The following KCNH7 variants were observed in gnomAD, a reference collection of about 807,000 sequenced individuals.
KCNH7 encodes the protein voltage-gated inwardly rectifying potassium channel KCNH7.
KCNH7 carries 49 observed loss-of-function variants against 120.8 expected under a neutral mutation model. That is an observed-to-expected ratio of 0.41 (90% CI 0.32 to 0.51). The LOEUF is 0.51. KCNH7 is among the 20% of genes least tolerant of loss of function. The probability of loss-of-function intolerance (pLI) is 0.38; values close to 1 mark genes in which losing one functional copy is unlikely to be tolerated. For missense variants in KCNH7, 1,097 were observed against 1,446.6 expected (o/e 0.76, Z 3.92); for synonymous variants, 547 against 516.1 (o/e 1.06, Z -0.81).
At chr2:162,455,050 C>G (rs1688912072) in intron 6 of KCNH7, among the ~76,000 whole-genome samples, 1 of 151,998 alleles carries the variant, frequency 6.6e-6, no homozygotes, top group South Asian at 2.1e-4. Flanking sequence ...CATTTGCCTA[C>G]TCAGTATGAT....
intron 3 of KCNH7, among the ~76,000 whole-genome samples, chr2:162,530,878 C>A (rs1373624883): frequency 6.6e-6 from 1 of 151,878 alleles, no homozygotes; most frequent in African/African-American, 2.4e-5. Flanking sequence ...TGAGTAGTAT[C>A]AGAAGGTATC....
intron 2 of KCNH7, among the ~76,000 whole-genome samples, chr2:162,557,934 T>G (rs890940423): frequency 6.6e-6 from 1 of 152,180 alleles, no homozygotes; most frequent in Non-Finnish European, 1.5e-5. Flanking sequence ...TTGCTGATAA[T>G]TTCTGTTAAT....
chr2:162,803,027 C>T (rs925234732), intron 2 of KCNH7, among the ~76,000 whole-genome samples: 2 of 151,660 alleles, frequency 1.3e-5, no homozygotes, highest in Middle Eastern at 3.2e-3. Context: ...TTAACCATAG[C>T]ATTAATCCAT....
intron 7 of KCNH7, among the ~76,000 whole-genome samples, chr2:162,439,103 A>T (rs1253677384): frequency 6.6e-6 from 1 of 152,100 alleles, no homozygotes; most frequent in African/African-American, 2.4e-5. Flanking sequence ...CTCCCAGCAC[A>T]TCTAATTTCA....
intron 2 of KCNH7, among the ~76,000 whole-genome samples, chr2:162,556,333 G>A (rs969421399): frequency 3.3e-5 from 5 of 152,018 alleles, no homozygotes; most frequent in African/African-American, 1.2e-4. Flanking sequence ...TCTTCATTGT[G>A]TAGGTATTAT....
At chr2:162,791,619 C>T (rs1209707879) in intron 2 of KCNH7, among the ~76,000 whole-genome samples, 1 of 152,006 alleles carries the variant, frequency 6.6e-6, no homozygotes, top group African/African-American at 2.4e-5. Context: ...GTGATTTTTG[C>T]ACATTGATTT....
chr2:162,486,017 A>C (rs998888123), intron 6 of KCNH7, among the ~76,000 whole-genome samples: 7 of 152,202 alleles, frequency 4.6e-5, no homozygotes, highest in Admixed American at 4.6e-4. Flanking sequence ...TCTTCAGTTC[A>C]AATGTAAAAA....
chr2:162,518,115 A>T lies in KCNH7; in HGVS notation c.507T>A (p.Thr169=), dbSNP rs763397226. ...CTTGTGGTAAGGACTGCTTTCTGTAAGTGAGAACTCTCAGACCAGGGAATT... is the reference window on the plus strand; with the variant it reads ...CTTGTGGTAAGGACTGCTTTCTGTATGTGAGAACTCTCAGACCAGGGAATT... The part of the protein sequence containing the change: ...GFKFPGLRVL[T]YRKQSLPQED... Residue 169 remains threonine (T), a synonymous_variant, in exon 4 of 16, where the codon ACT becomes ACA. Coordinates refer to ENST00000332142, the MANE Select transcript of KCNH7 (RefSeq NM_033272.4). 9.9e-6 allele frequency: 16 copies of T among 1,611,908 alleles called. No individual in the cohort carries two copies. In the African/African-American group the frequency reaches 2.0e-4, roughly 20 times the overall value.
intron 2 of KCNH7, among the ~76,000 whole-genome samples, chr2:162,794,359 A>G (rs1052515664): frequency 6.6e-6 from 1 of 152,022 alleles, no homozygotes; most frequent in African/African-American, 2.4e-5. Flanking sequence ...CTGAGCATGC[A>G]ATCTACTTCT....
intron 2 of KCNH7, among the ~76,000 whole-genome samples, chr2:162,644,807 C>A (rs1313767283): frequency 6.6e-6 from 1 of 152,072 alleles, no homozygotes; most frequent in Non-Finnish European, 1.5e-5. Flanking sequence ...CTCCAAAAAC[C>A]TTTAAACCTC....
intron 2 of KCNH7, among the ~76,000 whole-genome samples, chr2:162,718,401 C>T (rs1403775561): frequency 1.3e-5 from 2 of 151,938 alleles, no homozygotes; most frequent in Non-Finnish European, 2.9e-5. Context: ...GAAAATTTAA[C>T]ATAACATTAA....
chr2:162,448,304 T>C (rs1374620286), intron 6 of KCNH7, among the ~76,000 whole-genome samples: 2 of 152,064 alleles, frequency 1.3e-5, no homozygotes, highest in African/African-American at 4.8e-5. Context: ...CATGTTCCTT[T>C]CTAGAAAAGC....
intron 7 of KCNH7, among the ~76,000 whole-genome samples, chr2:162,439,838 A>G (rs1688365095): frequency 6.6e-6 from 1 of 151,656 alleles, no homozygotes; most frequent in Admixed American, 6.6e-5. Flanking sequence ...TAAAAAATAT[A>G]TATATATATT....
chr2:162,441,650 G>T (rs894406652), intron 7 of KCNH7, among the ~76,000 whole-genome samples: 7 of 152,144 alleles, frequency 4.6e-5, no homozygotes, highest in South Asian at 2.1e-4. Context: ...ATTAAGATTT[G>T]CCATAGATGA....
intron 2 of KCNH7, among the ~76,000 whole-genome samples, chr2:162,625,303 T>A (rs1683512967): frequency 6.6e-6 from 1 of 151,706 alleles, no homozygotes; most frequent in African/African-American, 2.4e-5. Context: ...CTTCTACTTT[T>A]TAATCTATAA....
In KCNH7 at chr2:162,559,433, C is replaced by G. The variant is rs564569792; in HGVS notation, c.308-22353G>C. On this transcript the variant is annotated intron_variant, in intron 2 of 15. Transcript: ENST00000332142. ...GGTGTTAAATTATGCCAGAAACTGCCTCAAATGACCTCAAGGTCTACTATT... is the reference window on the plus strand; with the variant it reads ...GGTGTTAAATTATGCCAGAAACTGCGTCAAATGACCTCAAGGTCTACTATT... Among the ~76,000 whole-genome samples, 4 of 152,276 alleles carry G rather than the reference C, an allele frequency of 2.6e-5. No homozygotes were observed. The South Asian group carries it at 8.3e-4, about 32-fold the overall frequency.
At chr2:162,676,433 T>C (rs770840842) in intron 2 of KCNH7, among the ~76,000 whole-genome samples, 2 of 151,518 alleles carry the variant, frequency 1.3e-5, no homozygotes, top group Non-Finnish European at 3.0e-5. Context: ...TTATAAACTT[T>C]TTAGCATTTG....
At chr2:162,827,507 T>C (rs1041977016) in intron 2 of KCNH7, among the ~76,000 whole-genome samples, 2 of 139,118 alleles carry the variant, frequency 1.4e-5, no homozygotes, top group Non-Finnish European at 3.2e-5. Context: ...ATCCTCATTC[T>C]ACTAAAATCT....
intron 2 of KCNH7, among the ~76,000 whole-genome samples, chr2:162,754,557 C>T (rs776777013): frequency 1.1e-4 from 16 of 151,902 alleles, no homozygotes; most frequent in Non-Finnish European, 1.3e-4. Context: ...GGTAAAAAAC[C>T]AGGGTTGGAT....
Sources: gnomAD v4.1 joint callset for allele counts (sites outside exome capture counted in the v4.1 genomes callset) on GRCh38, gnomAD v4.1.1 for gene constraint, MANE v1.5 for transcripts, NCBI Gene and HGNC (gene_info 2026-07-23, HGNC 2026-07-21) for gene names.